Variants in PTPN4 observed in about 807,000 individuals in gnomAD.
The protein encoded by PTPN4 is tyrosine-protein phosphatase non-receptor type 4.
PTPN4 carries 49 observed loss-of-function variants against 135.5 expected under a neutral mutation model. The ratio of observed to expected loss-of-function variants is 0.36; its 90% CI spans 0.29 to 0.46. PTPN4 has a LOEUF of 0.46. PTPN4 is among the 20% of genes least tolerant of loss of function. The probability of loss-of-function intolerance (pLI) is 1.00; values close to 1 mark genes in which losing one functional copy is unlikely to be tolerated. For synonymous variants in PTPN4, 333 were observed against 369.9 expected (o/e 0.90, Z 1.14); for missense variants, 860 against 1,101.0 (o/e 0.78, Z 3.10).
chr2:119,952,884 G>A (rs1385633606), intron 19 of PTPN4, among the ~76,000 whole-genome samples: 1 of 152,180 alleles, frequency 6.6e-6, no homozygotes, highest in African/African-American at 2.4e-5. Flanking sequence ...CCTGAAACAG[G>A]TCATTCCATC....
At chr2:119,783,696 A>G (rs1690988762) in intron 1 of PTPN4, among the ~76,000 whole-genome samples, 1 of 152,232 alleles carries the variant, frequency 6.6e-6, no homozygotes, top group African/African-American at 2.4e-5. Flanking sequence ...CAAGCCACTT[A>G]ATCCTTCTGA....
At position 119,841,126 on chromosome 2, in the gene PTPN4, C is replaced by T. The variant is rs1011062506; in HGVS notation, c.139-21410C>T. On this transcript the variant is annotated intron_variant, in intron 2 of 26. Coordinates refer to ENST00000263708, the MANE Select transcript of PTPN4 (RefSeq NM_002830.4). ...CATTTGTCAATTTTTGCTTTTGTTG[C>T]GATTGCTTTTGGATATTTTCTTATA... Among the ~76,000 whole-genome samples the T allele has an allele frequency of 4.0e-5, 6 of 151,218 alleles. 1 individual carries two copies. The highest frequency in any genetic ancestry group is 2.1e-4 in the South Asian group (1 of 4,778).
At chr2:119,822,256 AT>A (rs1474888456) in intron 2 of PTPN4, among the ~76,000 whole-genome samples, 1 of 149,618 alleles carries the variant, frequency 6.7e-6, no homozygotes, top group Non-Finnish European at 1.5e-5. Flanking sequence ...TGTATATTTG[AT>A]TTGCTTCCTG....
At chr2:119,956,810 T>C (rs749817555) in intron 20 of PTPN4, 34 bp from the exon 21 acceptor site, 4 of 1,579,506 alleles carry the variant, frequency 2.5e-6, no homozygotes, top group South Asian at 1.2e-5. Flanking sequence ...TTTATGGCTT[T>C]TGTTGGAATT....
intron 1 of PTPN4, among the ~76,000 whole-genome samples, chr2:119,791,592 ATAC>A (rs1224223109): frequency 6.6e-6 from 1 of 152,116 alleles, no homozygotes; most frequent in African/African-American, 2.4e-5. Flanking sequence ...TTTCCTATTA[ATAC>A]TTTGAATGTA....
chr2:119,927,862 G>T (rs1678848492), intron 13 of PTPN4, among the ~76,000 whole-genome samples: 1 of 152,062 alleles, frequency 6.6e-6, no homozygotes, highest in Non-Finnish European at 1.5e-5. Flanking sequence ...CCTTCTTTGT[G>T]TTTCTGGAGT....
At chr2:119,792,373 A>G (rs1417554728) in intron 1 of PTPN4, among the ~76,000 whole-genome samples, 1 of 152,124 alleles carries the variant, frequency 6.6e-6, no homozygotes, top group Non-Finnish European at 1.5e-5. Flanking sequence ...TTATTTGTCC[A>G]TTTCAGTGAA....
At chr2:119,916,398 C>G (rs1678654036) in intron 11 of PTPN4, 1 of 152,044 alleles carries the variant, frequency 6.6e-6, no homozygotes, top group Non-Finnish European at 1.5e-5. Flanking sequence ...GTCTTTGAAT[C>G]AGCTCTGTTG....
At chr2:119,842,712 G>T (rs1358979559) in intron 2 of PTPN4, among the ~76,000 whole-genome samples, 1 of 152,126 alleles carries the variant, frequency 6.6e-6, no homozygotes, top group African/African-American at 2.4e-5. Flanking sequence ...GTACAGAGAG[G>T]TCTCATTTAC....
intron 13 of PTPN4, 28 bp downstream of exon 13, chr2:119,926,694 A>AT (rs1488337583): frequency 1.3e-6 from 2 of 1,523,640 alleles, no homozygotes; most frequent in South Asian, 1.2e-5. Flanking sequence ...CATTGTTTGA[A>AT]TTTTTTTAAA....
intron 2 of PTPN4, among the ~76,000 whole-genome samples, chr2:119,824,582 A>C (rs1361751014): frequency 1.3e-5 from 2 of 152,170 alleles, no homozygotes; most frequent in East Asian, 1.9e-4. Context: ...TCAGTTATAT[A>C]ATTTTTATCT....
intron 1 of PTPN4, among the ~76,000 whole-genome samples, chr2:119,763,985 C>A (rs1193095125): frequency 6.6e-6 from 1 of 152,102 alleles, no homozygotes; most frequent in Non-Finnish European, 1.5e-5. Flanking sequence ...AAGGGGTCGC[C>A]ACTAAGAGAT....
intron 1 of PTPN4, among the ~76,000 whole-genome samples, chr2:119,802,056 A>C (rs982225415): frequency 1.3e-5 from 2 of 151,922 alleles, no homozygotes; most frequent in African/African-American, 4.8e-5. Context: ...GGCGCCCGCC[A>C]CCACACCCAG....
chr2:119,883,931 G>A (rs532259083), intron 8 of PTPN4, among the ~76,000 whole-genome samples: 9 of 152,208 alleles, frequency 5.9e-5, no homozygotes, highest in South Asian at 4.1e-4. Context: ...ACGGAGTCTC[G>A]CTCTGTTGCC....
At chr2:119,905,022 A>C (rs1165980349) in intron 10 of PTPN4, among the ~76,000 whole-genome samples, 1 of 134,174 alleles carries the variant, frequency 7.5e-6, no homozygotes, top group Admixed American at 8.0e-5. Flanking sequence ...AAAGGAGTCA[A>C]AGGTTATTAC....
intron 2 of PTPN4, among the ~76,000 whole-genome samples, chr2:119,827,882 A>G (rs1006827527): frequency 5.3e-5 from 8 of 152,134 alleles, no homozygotes; most frequent in African/African-American, 1.9e-4. Flanking sequence ...ATAATACTTC[A>G]TTTATGGTAG....
At chr2:119,912,356 C>T (rs1290242402) in intron 10 of PTPN4, among the ~76,000 whole-genome samples, 1 of 152,132 alleles carries the variant, frequency 6.6e-6, no homozygotes, top group African/African-American at 2.4e-5. Context: ...ACTATCTTGA[C>T]TGTGATGATG....
At chr2:119,968,014 G>A in intron 26 of PTPN4, 42 bp downstream of exon 26, 1 of 1,381,292 alleles carries the variant, frequency 7.2e-7, no homozygotes, top group East Asian at 2.6e-5. Flanking sequence ...TTCTTAACAT[G>A]ATGATTTTTG....
chr2:119,944,665 G>A (rs1679107566), intron 15 of PTPN4, among the ~76,000 whole-genome samples: 1 of 152,014 alleles, frequency 6.6e-6, no homozygotes, highest in African/African-American at 2.4e-5. Flanking sequence ...TTTCTAAATA[G>A]ATTAGGCCAA....
Sources: allele counts gnomAD v4.1 joint callset (sites outside exome capture counted in the v4.1 genomes callset), GRCh38; gene constraint gnomAD v4.1.1; transcripts MANE v1.5; gene names NCBI Gene and HGNC (gene_info 2026-07-23, HGNC 2026-07-21).